Variants in TSNARE1 observed in about 807,000 individuals in gnomAD.
TSNARE1 encodes t-SNARE domain containing 1.
Under a neutral mutation model 62.0 loss-of-function variants are expected in TSNARE1, and 49 were observed. The observed-to-expected ratio is 0.79, with a 90% confidence interval of 0.63 to 1.00. The LOEUF is 1.00. Ranked by LOEUF, TSNARE1 falls within the 50% of genes least tolerant of loss-of-function variation. The pLI is 0.00. For synonymous variants in TSNARE1, 328 were observed against 294.4 expected, an observed-to-expected ratio of 1.11 and a Z score of -1.17; for missense variants, 755 against 700.1, an observed-to-expected ratio of 1.08 and a Z score of -0.88.
intron 1 of TSNARE1, among the ~76,000 whole-genome samples, chr8:142,399,653 TTTGGTCA>T (rs1838145222): frequency 6.6e-6 from 1 of 152,146 alleles, no homozygotes; most frequent in Non-Finnish European, 1.5e-5. Context: ...CCTTTAGTCT[TTTGGTCA>T]CCACTGCTCC....
chr8:142,226,225 C>G (rs867082631), intron 13 of TSNARE1, among the ~76,000 whole-genome samples: 1 of 152,188 alleles, frequency 6.6e-6, no homozygotes, highest in South Asian at 2.1e-4. Context: ...ATTACTATTA[C>G]CAGGGCTGGT....
chr8:142,229,583 G>GGA lies in TSNARE1; in HGVS notation c.1447-6_1447-5dup, dbSNP rs367749353. On this transcript the variant is annotated splice_polypyrimidine_tract_variant and splice_region_variant and intron_variant, in intron 12 of 13. Transcript: ENST00000524325. ...ACTTGATCTTGTGTCTCTGGAGCTG[G>GGA]GAGAGAGAGAGAGGTTGTTTCCATA... 13 of 1,610,744 alleles carry GGA rather than the reference G, an allele frequency of 8.1e-6. No homozygotes were observed. Among genetic ancestry groups the GGA allele is most frequent in the African/African-American group, 5.4e-5 (4 of 74,710 alleles).
chr8:142,330,654 C>G (rs893948812), intron 6 of TSNARE1, among the ~76,000 whole-genome samples: 1 of 152,238 alleles, frequency 6.6e-6, no homozygotes, highest in Admixed American at 6.5e-5. Flanking sequence ...GCTTCTACGT[C>G]GGGGCGGGGT....
chr8:142,250,592 C>T (rs1168608518), intron 12 of TSNARE1, among the ~76,000 whole-genome samples: 4 of 152,202 alleles, frequency 2.6e-5, no homozygotes, highest in African/African-American at 4.8e-5. Flanking sequence ...GCGTTCTCAT[C>T]TGTCTTGTTG....
chr8:142,376,908 C>G (rs564345548), intron 1 of TSNARE1, among the ~76,000 whole-genome samples: 2 of 152,318 alleles, frequency 1.3e-5, no homozygotes, highest in South Asian at 2.1e-4. Context: ...CTGGGCAGAG[C>G]AGGGAGAGCC....
chr8:142,375,396 G>A (rs980754295), intron 1 of TSNARE1, among the ~76,000 whole-genome samples: 5 of 152,248 alleles, frequency 3.3e-5, no homozygotes, highest in South Asian at 2.1e-4. Context: ...AGAGCAGTGC[G>A]GGTGTGTCCC....
At chr8:142,381,108 GC>G (rs528589947) in intron 1 of TSNARE1, among the ~76,000 whole-genome samples, 32 of 152,338 alleles carry the variant, frequency 2.1e-4, no homozygotes, top group African/African-American at 7.7e-4. Context: ...CCTTGCCCTG[GC>G]CCAACTGCTG....
chr8:142,251,579 C>G (rs1818165570), intron 12 of TSNARE1, among the ~76,000 whole-genome samples: 1 of 152,186 alleles, frequency 6.6e-6, no homozygotes, highest in Non-Finnish European at 1.5e-5. Context: ...GAGCACACAT[C>G]AGGCCCTGGT....
intron 1 of TSNARE1, among the ~76,000 whole-genome samples, chr8:142,392,211 A>G (rs1837581466): frequency 6.6e-6 from 1 of 152,052 alleles, no homozygotes; most frequent in South Asian, 2.1e-4. Context: ...TGTAGTACAC[A>G]GGGTTTCACC....
intron 12 of TSNARE1, among the ~76,000 whole-genome samples, chr8:142,245,415 C>T (rs1022522391): frequency 1.2e-4 from 18 of 152,244 alleles, no homozygotes; most frequent in African/African-American, 2.9e-4. Flanking sequence ...AAACACTCTA[C>T]GCATCCATTG....
chr8:142,376,456 T>C (rs1836350074), intron 1 of TSNARE1, among the ~76,000 whole-genome samples: 1 of 152,170 alleles, frequency 6.6e-6, no homozygotes, highest in Admixed American at 6.5e-5. Context: ...ATGAGTGCCC[T>C]TGTCAAATGG....
chr8:142,277,186 A>C (rs2130677227), intron 11 of TSNARE1: 1 of 985,312 alleles, frequency 1.0e-6, no homozygotes, highest in African/African-American at 1.7e-5. Flanking sequence ...TGCTCCTCCC[A>C]ACACAGGGGG....
intron 12 of TSNARE1, chr8:142,271,020 A>T (rs1264566635): frequency 1.1e-5 from 11 of 985,422 alleles, no homozygotes; most frequent in Non-Finnish European, 1.3e-5. Flanking sequence ...CCCTGCCTGG[A>T]CTCAGCAGGG....
intron 13 of TSNARE1, among the ~76,000 whole-genome samples, chr8:142,216,374 C>T (rs976861718): frequency 3.3e-5 from 5 of 152,188 alleles, no homozygotes; most frequent in African/African-American, 9.7e-5. Flanking sequence ...TGGGCTCTCC[C>T]TGATCAGCTG....
In TSNARE1 at chr8:142,331,741, G is replaced by C. The variant is rs1223141885; in HGVS notation, c.823+13C>G. 1.9e-6 allele frequency: 3 copies of C among 1,585,862 alleles called. No homozygotes were observed. The highest frequency in any genetic ancestry group is 1.2e-5 in the South Asian group (1 of 86,600). ...TGGATGGAGGGGCAGGCCCAGGCCAGACGCACACTCACCACTGGAGTTGAT... is the reference window on the plus strand; with the variant it reads ...TGGATGGAGGGGCAGGCCCAGGCCACACGCACACTCACCACTGGAGTTGAT... On this transcript the variant is annotated intron_variant, in intron 5 of 13. Transcript: ENST00000524325.
intron 1 of TSNARE1, among the ~76,000 whole-genome samples, chr8:142,371,202 T>G (rs1050459615): frequency 6.6e-6 from 1 of 152,228 alleles, no homozygotes. Flanking sequence ...ATTGAACTGA[T>G]AGTTAAAAAC....
chr8:142,260,133 G>A (rs572648708), intron 12 of TSNARE1, among the ~76,000 whole-genome samples: 3 of 151,856 alleles, frequency 2.0e-5, no homozygotes, highest in African/African-American at 7.3e-5. Context: ...TCCTTCCTCC[G>A]GTCTCCACAG....
At chr8:142,279,682 C>G (rs997833990) in intron 11 of TSNARE1, among the ~76,000 whole-genome samples, 2 of 152,206 alleles carry the variant, frequency 1.3e-5, no homozygotes, top group African/African-American at 2.4e-5. Context: ...CTTGGTTTCC[C>G]CACCTAAAAG....
At chr8:142,364,709 A>T (rs1835409513) in intron 1 of TSNARE1, among the ~76,000 whole-genome samples, 1 of 152,244 alleles carries the variant, frequency 6.6e-6, no homozygotes, top group African/African-American at 2.4e-5. Flanking sequence ...TCTAAAAAGG[A>T]CACAAGAACC....
Sources: gnomAD v4.1 joint callset for allele counts (sites outside exome capture counted in the v4.1 genomes callset) on GRCh38, gnomAD v4.1.1 for gene constraint, MANE v1.5 for transcripts, NCBI Gene and HGNC (gene_info 2026-07-23, HGNC 2026-07-21) for gene names.